CCSER1: variants seen among roughly 807,000 people sequenced by gnomAD.
The protein encoded by CCSER1 is serine-rich coiled-coil domain-containing protein 1.
Under a neutral mutation model 82.0 loss-of-function variants are expected in CCSER1, and 41 were observed. That is an observed-to-expected ratio of 0.50 (90% confidence interval 0.39 to 0.65). The LOEUF is 0.65. Among genes scored for constraint, CCSER1 ranks in the 30% least tolerant of loss-of-function variants. CCSER1 has a pLI of 0.00. For missense variants in CCSER1, 1,119 were observed against 1,064.2 expected (o/e 1.05, Z -0.72); for synonymous variants, 414 against 383.9 (o/e 1.08, Z -0.92).
chr4:91,293,927 G>C (rs1281881091), intron 10 of CCSER1, among the ~76,000 whole-genome samples: 2 of 151,894 alleles, frequency 1.3e-5, no homozygotes, highest in South Asian at 4.1e-4. Context: ...TATGTACTCT[G>C]AAAGCTTTCC....
chr4:90,904,058 C>A (rs1401451727), intron 8 of CCSER1, among the ~76,000 whole-genome samples: 2 of 151,870 alleles, frequency 1.3e-5, no homozygotes, highest in African/African-American at 2.4e-5. Context: ...TTACTGAGAT[C>A]TTTTTATATG....
intron 6 of CCSER1, among the ~76,000 whole-genome samples, chr4:90,667,684 A>G (rs950879555): frequency 1.4e-4 from 22 of 152,154 alleles, no homozygotes; most frequent in African/African-American, 5.1e-4. Flanking sequence ...ATACTCTTTC[A>G]TGGTTGCATA....
In CCSER1 at chr4:90,517,127, G is replaced by C. The variant is rs557361650; in HGVS notation, c.1724+48773G>C. Among the ~76,000 whole-genome samples, 33 of 152,120 alleles carry C rather than the reference G, an allele frequency of 2.2e-4. No homozygotes were observed. The South Asian group carries it at 6.9e-3, about 32-fold the overall frequency. On this transcript the variant is annotated intron_variant, in intron 5 of 10. Coordinates refer to ENST00000509176, the MANE Select transcript of CCSER1 (RefSeq NM_001145065.2). Reference sequence around the variant, plus strand: ...TAAATGTGCTCAGACACTTATATTAGTTTACAGTTAGCAAAATCATCTAAC... The same window carrying C: ...TAAATGTGCTCAGACACTTATATTACTTTACAGTTAGCAAAATCATCTAAC...
chr4:90,912,930 T>C (rs2150199763), intron 8 of CCSER1, among the ~76,000 whole-genome samples: 1 of 151,794 alleles, frequency 6.6e-6, no homozygotes, highest in East Asian at 1.9e-4. Context: ...AGAAGAGAAA[T>C]TTAGAGAAAA....
intron 8 of CCSER1, among the ~76,000 whole-genome samples, chr4:90,894,093 C>T (rs1215044477): frequency 1.3e-5 from 2 of 151,808 alleles, no homozygotes; most frequent in East Asian, 1.9e-4. Flanking sequence ...GTGAAAATGC[C>T]AAGCATCAGC....
intron 10 of CCSER1, among the ~76,000 whole-genome samples, chr4:91,590,897 A>G (rs1578871390): frequency 6.6e-6 from 1 of 152,284 alleles, no homozygotes; most frequent in Admixed American, 6.5e-5. Context: ...GCTATAAATG[A>G]TAAAAGGATA....
chr4:90,441,799 A>G (rs1759921522), intron 4 of CCSER1, among the ~76,000 whole-genome samples: 1 of 152,368 alleles, frequency 6.6e-6, no homozygotes, highest in South Asian at 2.1e-4. Context: ...AACACAAGAA[A>G]TAACTAATCT....
At chr4:91,295,994 T>C (rs760937433) in intron 10 of CCSER1, among the ~76,000 whole-genome samples, 3 of 151,966 alleles carry the variant, frequency 2.0e-5, no homozygotes, top group Non-Finnish European at 4.4e-5. Flanking sequence ...TATAGCGGTC[T>C]ATCAAAGTAT....
chr4:90,962,758 A>T (rs922785290), intron 9 of CCSER1, among the ~76,000 whole-genome samples: 9 of 152,188 alleles, frequency 5.9e-5, no homozygotes, highest in Non-Finnish European at 1.2e-4. Flanking sequence ...TTCACCTTCT[A>T]GCTAGTATCA....
chr4:90,945,976 A>C (rs1054198355), intron 9 of CCSER1, among the ~76,000 whole-genome samples: 1 of 152,196 alleles, frequency 6.6e-6, no homozygotes, highest in African/African-American at 2.4e-5. Context: ...CTTGCTCACA[A>C]TTACATGACT....
intron 3 of CCSER1, among the ~76,000 whole-genome samples, chr4:90,323,105 AT>A (rs1421554512): frequency 6.6e-6 from 1 of 152,164 alleles, no homozygotes; most frequent in Non-Finnish European, 1.5e-5. Context: ...AGGGTGCTTC[AT>A]TTTAATGTAG....
intron 7 of CCSER1, among the ~76,000 whole-genome samples, chr4:90,733,149 C>T (rs899303264): frequency 1.6e-4 from 25 of 152,216 alleles, no homozygotes; most frequent in African/African-American, 5.8e-4. Context: ...TTCCCACCAA[C>T]ATTGTATGAA....
At chr4:91,561,451 C>A (rs1483455176) in intron 10 of CCSER1, among the ~76,000 whole-genome samples, 1 of 150,286 alleles carries the variant, frequency 6.7e-6, no homozygotes, top group African/African-American at 2.4e-5. Context: ...AATTTACTTC[C>A]TTTGAGAGGA....
chr4:91,051,857 T>G (rs1743032731), intron 9 of CCSER1, among the ~76,000 whole-genome samples: 1 of 152,118 alleles, frequency 6.6e-6, no homozygotes, highest in Non-Finnish European at 1.5e-5. Flanking sequence ...GGCTAGTTTT[T>G]ACAAATGTAA....
At chr4:90,352,361 T>G (rs7679540) in intron 3 of CCSER1, among the ~76,000 whole-genome samples, 1 of 151,200 alleles carries the variant, frequency 6.6e-6, no homozygotes, top group Non-Finnish European at 1.5e-5. Flanking sequence ...ACAAAACAAA[T>G]AAACAAAAAA....
chr4:90,190,308 G>A (rs186695155), intron 1 of CCSER1, among the ~76,000 whole-genome samples: 2 of 152,120 alleles, frequency 1.3e-5, no homozygotes, highest in East Asian at 1.9e-4. Flanking sequence ...ATGAGTCCTG[G>A]GACAGGCATT....
At chr4:90,305,494 T>C (rs1734098284) in intron 1 of CCSER1, among the ~76,000 whole-genome samples, 1 of 152,200 alleles carries the variant, frequency 6.6e-6, no homozygotes, top group Admixed American at 6.5e-5. Flanking sequence ...TTTTAAAGAA[T>C]ATAGTCATGA....
chr4:90,742,091 CAG>C (rs139712842), intron 7 of CCSER1, among the ~76,000 whole-genome samples: 294 of 147,460 alleles, frequency 2.0e-3, no homozygotes, highest in Admixed American at 2.2e-3. Flanking sequence ...GAGAGGGAGA[CAG>C]AGAGAGAGAG....
At chr4:91,098,699 G>A (rs912541368) in intron 10 of CCSER1, among the ~76,000 whole-genome samples, 10 of 151,944 alleles carry the variant, frequency 6.6e-5, no homozygotes, top group Non-Finnish European at 1.0e-4. Flanking sequence ...GTACCACCAC[G>A]CCCAGCTAAT....
Sources: gnomAD v4.1 joint callset for allele counts (sites outside exome capture counted in the v4.1 genomes callset) on GRCh38, gnomAD v4.1.1 for gene constraint, MANE v1.5 for transcripts, NCBI Gene and HGNC (gene_info 2026-07-23, HGNC 2026-07-21) for gene names.